NAALADL2: variants seen among roughly 807,000 people sequenced by gnomAD.
NAALADL2 encodes the protein inactive N-acetylated-alpha-linked acidic dipeptidase-like protein 2.
NAALADL2 carries 76 observed loss-of-function variants against 87.2 expected under a neutral mutation model. The observed-to-expected ratio is 0.87, with a 90% CI of 0.72 to 1.05. NAALADL2 has a LOEUF of 1.05. Ranked by LOEUF, NAALADL2 falls within the 50% of genes least tolerant of loss-of-function variation. The probability of loss-of-function intolerance (pLI) is 0.00; values close to 1 mark genes in which losing one functional copy is unlikely to be tolerated. For synonymous variants in NAALADL2, 354 were observed against 331.0 expected (o/e 1.07, Z -0.75); for missense variants, 1,089 against 945.8 (o/e 1.15, Z -1.99).
rs137899784 is a variant in NAALADL2 at position 175,104,519 on chromosome 3, A to G, written c.545+7228A>G. Among the ~76,000 whole-genome samples the G allele has an allele frequency of 4.5e-3, 687 of 152,066 alleles. 9 individuals carry two copies. Among genetic ancestry groups the G allele is most frequent in the African/African-American group, 0.016 (665 of 41,480 alleles). On this transcript the variant is annotated intron_variant, in intron 2 of 13. Coordinates refer to ENST00000454872, the MANE Select transcript of NAALADL2 (RefSeq NM_207015.3). Reference sequence around the variant, plus strand: ...AACCATTTTTTTGGCCCCTCTTCACATTATTGTTGTTCCTATTATTATTAT... The same window carrying G: ...AACCATTTTTTTGGCCCCTCTTCACGTTATTGTTGTTCCTATTATTATTAT...
intron 11 of NAALADL2, among the ~76,000 whole-genome samples, chr3:175,650,057 CAAA>C (rs11458935): frequency 2.2e-4 from 26 of 120,400 alleles, no homozygotes; most frequent in African/African-American, 7.5e-4. Context: ...AACCCCACAC[CAAA>C]AAAAAAAAAA....
intron 9 of NAALADL2, among the ~76,000 whole-genome samples, chr3:175,536,015 G>T (rs574678159): frequency 6.6e-6 from 1 of 152,258 alleles, no homozygotes; most frequent in South Asian, 2.1e-4. Context: ...TTGTATCCCA[G>T]ATCGATCTGA....
At chr3:175,453,491 C>A (rs1009222193) in intron 6 of NAALADL2, among the ~76,000 whole-genome samples, 1 of 152,158 alleles carries the variant, frequency 6.6e-6, no homozygotes, top group African/African-American at 2.4e-5. Flanking sequence ...ATATTCTCCA[C>A]CAAAAGCTCT....
intron 1 of NAALADL2, among the ~76,000 whole-genome samples, chr3:174,882,320 T>C (rs1351823067): frequency 1.3e-5 from 2 of 151,924 alleles, no homozygotes; most frequent in Non-Finnish European, 2.9e-5. Context: ...TTTTGACTAA[T>C]AATATGGCCA....
At chr3:174,442,731 A>G (rs1559988345) in intron 1 of NAALADL2, among the ~76,000 whole-genome samples, 1 of 152,282 alleles carries the variant, frequency 6.6e-6, no homozygotes, top group East Asian at 1.9e-4. Context: ...CAGTATATGT[A>G]GTACATAAGA....
Position 174,667,276 on chromosome 3 carries a change from C to T in NAALADL2, c.-114-70365C>T, listed in dbSNP as rs186753195. ...GCTTGAGGAGTCCAATTAACAAGAG[C>T]GAGGTCTGGTATAAAGAAAGGGACT... On this transcript the variant is annotated intron_variant, in intron 2 of 3. Transcript: ENST00000434257. Among the ~76,000 whole-genome samples, 49 of 152,098 alleles carry T rather than the reference C, an allele frequency of 3.2e-4. No homozygotes were observed. In the East Asian group the frequency reaches 8.6e-3, roughly 27 times the overall value.
At chr3:174,847,817 A>AT (rs200328557) in intron 3 of NAALADL2, among the ~76,000 whole-genome samples, 15,270 of 146,840 alleles carry the variant, frequency 0.1, 896 homozygotes, top group Middle Eastern at 0.13. Flanking sequence ...AAAAAAAAAA[A>AT]GCACATCCAT....
At position 174,700,110 on chromosome 3, in the gene NAALADL2, G is replaced by GA. The variant is rs1553826276; in HGVS notation, c.-114-37521dup. 8.3e-3 allele frequency among the ~76,000 whole-genome samples: 816 copies of GA among 98,118 alleles called. 8 individuals carry two copies. The highest frequency in any genetic ancestry group is 0.082 in the South Asian group (205 of 2,498). 64.4% of individuals were successfully genotyped at this position (98,118 alleles called of 152,430 possible). On this transcript the variant is annotated intron_variant, in intron 2 of 3. Transcript: ENST00000434257. ...TTAATTATTCTGAAAGCATTGATCT[G>GA]AAAAAAAAAATGTATTTGCTGCAAG...
chr3:175,324,894 A>G (rs565641649), intron 5 of NAALADL2, among the ~76,000 whole-genome samples: 1 of 152,164 alleles, frequency 6.6e-6, no homozygotes, highest in Non-Finnish European at 1.5e-5. Context: ...TCTTTTTCCT[A>G]GATAGCTCTG....
chr3:175,269,961 A>C (rs1354234853), intron 4 of NAALADL2, among the ~76,000 whole-genome samples: 2 of 152,208 alleles, frequency 1.3e-5, no homozygotes, highest in African/African-American at 4.8e-5. Context: ...GAAAATTAAT[A>C]ACTGGTGAAG....
intron 2 of NAALADL2, among the ~76,000 whole-genome samples, chr3:175,206,014 C>T (rs1017679849): frequency 5.9e-5 from 9 of 151,778 alleles, no homozygotes; most frequent in Non-Finnish European, 1.3e-4. Context: ...TAAACTAGTA[C>T]ACCCACTATG....
At position 175,022,480 on chromosome 3, in the gene NAALADL2, T is replaced by G. The variant is rs184084081; in HGVS notation, c.44-74310T>G. 7.2e-4 allele frequency among the ~76,000 whole-genome samples: 109 copies of G among 152,172 alleles called. 1 individual carries two copies. Among genetic ancestry groups the G allele is most frequent in the African/African-American group, 2.3e-3 (97 of 41,544 alleles). Reference sequence around the variant, plus strand: ...AATGTAGCATATGTCATGCCATTAATGTCTTCTCAAGTGGGCCTTTCTTCC... The same window carrying G: ...AATGTAGCATATGTCATGCCATTAAGGTCTTCTCAAGTGGGCCTTTCTTCC... On this transcript the variant is annotated intron_variant, in intron 1 of 13. Coordinates refer to ENST00000454872, the MANE Select transcript of NAALADL2 (RefSeq NM_207015.3).
At chr3:175,181,670 T>A (rs1158259688) in intron 2 of NAALADL2, among the ~76,000 whole-genome samples, 2 of 139,286 alleles carry the variant, frequency 1.4e-5, no homozygotes, top group Admixed American at 1.6e-4. Context: ...TGAATAGTAT[T>A]CCATTGGCAT....
At chr3:174,805,092 G>T (rs968608343) in intron 3 of NAALADL2, among the ~76,000 whole-genome samples, 2 of 152,084 alleles carry the variant, frequency 1.3e-5, no homozygotes, top group Non-Finnish European at 2.9e-5. Flanking sequence ...ATTTAGCATA[G>T]CACTGGCTCA....
intron 1 of NAALADL2, among the ~76,000 whole-genome samples, chr3:175,086,313 AC>A (rs888042710): frequency 6.6e-6 from 1 of 152,180 alleles, no homozygotes; most frequent in Admixed American, 6.5e-5. Context: ...TTAGATATCA[AC>A]AGTGAAACTT....
chr3:174,966,304 T>C (rs927837123), intron 1 of NAALADL2, among the ~76,000 whole-genome samples: 11 of 152,206 alleles, frequency 7.2e-5, no homozygotes, highest in Non-Finnish European at 1.3e-4. Flanking sequence ...TCCCCAATGA[T>C]GGCAAACCAC....
At chr3:175,609,460 T>C (rs1004381284) in intron 10 of NAALADL2, 1 of 152,148 alleles carries the variant, frequency 6.6e-6, no homozygotes, top group African/African-American at 2.4e-5. Context: ...TTTCTTTCCT[T>C]TTTTAAATCT....
Position 175,246,132 on chromosome 3 carries a change from C to T in NAALADL2, c.820-10279C>T, listed in dbSNP as rs568123831. ...TTGAATTTTGAAATCTTTATCAATG[C>T]TAAGATTCTAATGATTTTTAGAAAG... is the stretch of plus-strand genomic sequence containing the variant. On this transcript the variant is annotated intron_variant, in intron 3 of 13. Coordinates refer to ENST00000454872, the MANE Select transcript of NAALADL2 (RefSeq NM_207015.3). 3.9e-5 allele frequency among the ~76,000 whole-genome samples: 6 copies of T among 152,154 alleles called. No individual in the cohort carries two copies. The East Asian group carries it at 7.7e-4, about 20-fold the overall frequency.
At chr3:175,430,582 C>T (rs1717580712) in intron 5 of NAALADL2, among the ~76,000 whole-genome samples, 1 of 151,980 alleles carries the variant, frequency 6.6e-6, no homozygotes, top group Non-Finnish European at 1.5e-5. Context: ...TTCATATTTA[C>T]ATCTTACTTA....
Sources: allele counts gnomAD v4.1 joint callset (sites outside exome capture counted in the v4.1 genomes callset), GRCh38; gene constraint gnomAD v4.1.1; transcripts MANE v1.5; gene names NCBI Gene and HGNC (gene_info 2026-07-23, HGNC 2026-07-21).